UBL3: variants seen among roughly 807,000 people sequenced by gnomAD.
The protein encoded by UBL3 is ubiquitin like 3, also known as ubiquitin-like protein 3.
In UBL3, 6 loss-of-function variants were observed where a neutral mutation model predicts 18.4. The ratio of observed to expected loss-of-function variants is 0.33; its 90% confidence interval spans 0.18 to 0.64. The LOEUF (loss-of-function observed/expected upper bound fraction) is 0.64. Ranked by LOEUF, UBL3 falls within the 30% of genes least tolerant of loss-of-function variation. The probability of loss-of-function intolerance (pLI) is 0.76; values close to 1 mark genes in which losing one functional copy is unlikely to be tolerated. For synonymous variants in UBL3, 49 were observed against 46.6 expected (o/e 1.05, Z -0.21); for missense variants, 109 against 142.9 (o/e 0.76, Z 1.21).
At chr13:29,838,321 A>C (rs748467589) in intron 1 of UBL3, among the ~76,000 whole-genome samples, 4 of 152,210 alleles carry the variant, frequency 2.6e-5, no homozygotes, top group Admixed American at 6.5e-5. Context: ...TCCTTGGATA[A>C]AACGATAATT....
At chr13:29,799,640 G>A (rs1877708547) in intron 1 of UBL3, among the ~76,000 whole-genome samples, 1 of 152,144 alleles carries the variant, frequency 6.6e-6, no homozygotes, top group African/African-American at 2.4e-5. Context: ...TGGACTGGAT[G>A]TGCACAATTG....
At position 29,766,255 on chromosome 13, in the gene UBL3, A is replaced by T. The variant is rs1876676861; in HGVS notation, c.*1000T>A. On this transcript the variant is annotated 3_prime_UTR_variant, in exon 5 of 5. Coordinates refer to ENST00000380680, the MANE Select transcript of UBL3 (RefSeq NM_007106.4). ...TGACTTTAATACAATTGCAAGCACT[A>T]ATATCAAACGCAAACTATATAAAGA... 6.6e-6 allele frequency: 1 copy of T among 152,576 alleles called. No individual in the cohort carries two copies. The highest frequency in any genetic ancestry group is 2.4e-5 in the African/African-American group (1 of 41,442). 9.5% of individuals were successfully genotyped at this position (152,576 alleles called of 1,614,324 possible).
In UBL3 at chr13:29,850,248, A is replaced by T. The variant is rs1205699469; in HGVS notation, c.-710T>A. 6.5e-6 allele frequency: 1 copy of T among 153,272 alleles called. No individual in the cohort carries two copies. Among genetic ancestry groups the T allele is most frequent in the Admixed American group, 6.5e-5 (1 of 15,302 alleles). 9.5% of individuals were successfully genotyped at this position (153,272 alleles called of 1,614,324 possible). ...GCGGGGGTGCTCGGGGCCGGCCGGG[A>T]CACTCCACAGCCCCTCTGGGCTCAG... On this transcript the variant is annotated 5_prime_UTR_variant, in exon 1 of 5. Transcript: ENST00000380680.
rs1290913095 is a variant in UBL3 at position 29,767,605 on chromosome 13, G to C, written c.301+13C>G. ...GTGCCTCAACTGAGATACTTTTCCA[G>C]TGCATGGCTTACCTTGAGAGTTTGG... On this transcript the variant is annotated intron_variant, in intron 4 of 4. Coordinates refer to ENST00000380680, the MANE Select transcript of UBL3 (RefSeq NM_007106.4). 2 of 1,611,996 alleles carry C rather than the reference G, an allele frequency of 1.2e-6. No individual in the cohort carries two copies. Among genetic ancestry groups the C allele is most frequent in the Non-Finnish European group, 1.7e-6 (2 of 1,178,740 alleles).
chr13:29,839,123 TCAA>T (rs2139366642), intron 1 of UBL3, among the ~76,000 whole-genome samples: 1 of 152,280 alleles, frequency 6.6e-6, no homozygotes, highest in East Asian at 1.9e-4. Flanking sequence ...CACAAGTTTC[TCAA>T]TTGAGTGATT....
In UBL3 at chr13:29,810,948, A is replaced by G. The variant is rs574069438; in HGVS notation, c.28-33685T>C. 1.6e-4 allele frequency among the ~76,000 whole-genome samples: 25 copies of G among 152,222 alleles called. No individual in the cohort carries two copies. In the East Asian group the frequency reaches 1.7e-3, roughly 11 times the overall value. On this transcript the variant is annotated intron_variant, in intron 1 of 4. Transcript: ENST00000380680. ...AATAAAGACCTGGAAAACGTACTCA[A>G]CTTTTACTAGCTATGTATAGACCCT...
rs535267155 is a variant in UBL3 at position 29,782,627 on chromosome 13, T to C, written c.28-5364A>G. The stretch of plus-strand genomic sequence containing the variant: ...GAAACTGCCTAGTTCCAGAAAACAT[T>C]TGAGTTTGTTAACTCACAGTAGAGT... On this transcript the variant is annotated intron_variant, in intron 1 of 4. Coordinates refer to ENST00000380680, the MANE Select transcript of UBL3 (RefSeq NM_007106.4). Among the ~76,000 whole-genome samples, 11 of 152,286 alleles carry C rather than the reference T, an allele frequency of 7.2e-5. No homozygotes were observed. In the South Asian group the frequency reaches 1.2e-3, roughly 17 times the overall value.
intron 1 of UBL3, among the ~76,000 whole-genome samples, chr13:29,844,501 C>T (rs1340380969): frequency 6.6e-6 from 1 of 152,140 alleles, no homozygotes. Context: ...CAAATCATAG[C>T]TCTAAGTCAT....
At chr13:29,835,164 A>G (rs1306212396) in intron 1 of UBL3, among the ~76,000 whole-genome samples, 1 of 58,960 alleles carries the variant, frequency 1.7e-5, no homozygotes, top group Non-Finnish European at 2.9e-5. Context: ...ATATATATAT[A>G]TATATATATA....
At chr13:29,819,566 T>C (rs1455667493) in intron 1 of UBL3, among the ~76,000 whole-genome samples, 1 of 152,240 alleles carries the variant, frequency 6.6e-6, no homozygotes, top group Non-Finnish European at 1.5e-5. Flanking sequence ...ATACTTTCTG[T>C]AATAGAACCT....
chr13:29,808,949 ATATTTT>A (rs1877966762), intron 1 of UBL3, among the ~76,000 whole-genome samples: 1 of 152,200 alleles, frequency 6.6e-6, no homozygotes, highest in African/African-American at 2.4e-5. Flanking sequence ...AAGACTATTT[ATATTTT>A]TAACACAGTA....
At chr13:29,771,388 C>G (rs1336157222) in intron 3 of UBL3, among the ~76,000 whole-genome samples, 1 of 151,984 alleles carries the variant, frequency 6.6e-6, no homozygotes, top group African/African-American at 2.4e-5. Context: ...CTACATTTCT[C>G]CAATCATATA....
chr13:29,799,981 T>C (rs199604101), intron 1 of UBL3, among the ~76,000 whole-genome samples: 1 of 151,692 alleles, frequency 6.6e-6, no homozygotes, highest in East Asian at 1.9e-4. Flanking sequence ...TTTTATGCAA[T>C]GGCAGAACCA....
intron 2 of UBL3, among the ~76,000 whole-genome samples, chr13:29,774,388 T>TA (rs1321688224): frequency 6.6e-6 from 1 of 152,142 alleles, no homozygotes; most frequent in African/African-American, 2.4e-5. Context: ...AGCTATTACT[T>TA]ACTATGACCG....
At chr13:29,813,725 T>C (rs1247585001) in intron 1 of UBL3, among the ~76,000 whole-genome samples, 2 of 152,066 alleles carry the variant, frequency 1.3e-5, no homozygotes, top group African/African-American at 2.4e-5. Context: ...TCTGTGGATT[T>C]TGGCATTGGG....
intron 1 of UBL3, among the ~76,000 whole-genome samples, chr13:29,816,641 A>ACTACTCAG (rs1878289818): frequency 6.6e-6 from 1 of 151,348 alleles, no homozygotes; most frequent in Non-Finnish European, 1.5e-5. Context: ...TGTGGTCCCA[A>ACTACTCAG]CTACTCAGGA....
At chr13:29,804,413 G>C (rs1406728040) in intron 1 of UBL3, among the ~76,000 whole-genome samples, 1 of 151,980 alleles carries the variant, frequency 6.6e-6, no homozygotes, top group Non-Finnish European at 1.5e-5. Context: ...ACACCTAGAA[G>C]AATTAGAGAA....
intron 1 of UBL3, among the ~76,000 whole-genome samples, chr13:29,833,386 C>G (rs1878833396): frequency 6.6e-6 from 1 of 150,678 alleles, no homozygotes; most frequent in South Asian, 2.1e-4. Flanking sequence ...CACTGGCACC[C>G]AAAAATGTTT....
chr13:29,777,159 T>C lies in UBL3; in HGVS notation c.132A>G (p.Pro44=), dbSNP rs139858339. The change falls in exon 2 of 5, where the codon CCA becomes CCG. Residue 44 remains proline, a synonymous_variant. Coordinates refer to ENST00000380680, the MANE Select transcript of UBL3 (RefSeq NM_007106.4). ...CAAGAGAAAAATATCACTCACCCAT[T>C]GGCCAATTGTCATATACATGCTTTG... The part of the protein sequence containing the change: ...DIAKHVYDNW[P]MDWEEEQVSS... 2,717 of 1,587,058 alleles carry C rather than the reference T, an allele frequency of 1.7e-3. 48 individuals are homozygous for C. The African/African-American group carries it at 0.031, about 18-fold the overall frequency.
Sources: allele counts gnomAD v4.1 joint callset (sites outside exome capture counted in the v4.1 genomes callset), GRCh38; gene constraint gnomAD v4.1.1; transcripts MANE v1.5; gene names NCBI Gene and HGNC (gene_info 2026-07-23, HGNC 2026-07-21).